Variants in UNC5C observed in about 807,000 individuals in gnomAD.
UNC5C encodes the protein netrin receptor UNC5C.
Under a neutral mutation model 99.8 loss-of-function variants are expected in UNC5C, and 47 were observed. That is an observed-to-expected ratio of 0.47 (90% confidence interval 0.37 to 0.60). The LOEUF (loss-of-function observed/expected upper bound fraction) is 0.60, where lower values mean the gene tolerates loss of function less well. Ranked by LOEUF, UNC5C falls within the 20% of genes least tolerant of loss-of-function variation. UNC5C has a pLI of 0.00. For synonymous variants in UNC5C, 487 were observed against 452.2 expected, an observed-to-expected ratio of 1.08 and a Z score of -0.98; for missense variants, 1,062 against 1,165.9, an observed-to-expected ratio of 0.91 and a Z score of 1.30.
Position 95,205,971 on chromosome 4 carries a change from A to T in UNC5C, c.1902+657T>A, listed in dbSNP as rs192091038. Among the ~76,000 whole-genome samples the T allele has an allele frequency of 4.0e-5, 6 of 151,244 alleles. No individual in the cohort carries two copies. In the East Asian group the frequency reaches 1.2e-3, roughly 29 times the overall value. On this transcript the variant is annotated intron_variant, in intron 11 of 15. Coordinates refer to ENST00000453304, the MANE Select transcript of UNC5C (RefSeq NM_003728.4). ...TTCTGATCCAGTTGCAATGTTTCTG[A>T]CCTGCAAATTATATACGTATATATA...
At chr4:95,315,608 T>G (rs995411161) in intron 2 of UNC5C, among the ~76,000 whole-genome samples, 15 of 152,314 alleles carry the variant, frequency 9.8e-5, no homozygotes, top group Admixed American at 8.5e-4. Context: ...GACACATACT[T>G]TTGTGGATAA....
intron 14 of UNC5C, among the ~76,000 whole-genome samples, chr4:95,180,779 C>G (rs1005728306): frequency 6.6e-6 from 1 of 152,296 alleles, no homozygotes; most frequent in East Asian, 1.9e-4. Context: ...CCAGCTCATT[C>G]CTGGGAGATA....
chr4:95,329,466 T>C (rs978042268), intron 2 of UNC5C, among the ~76,000 whole-genome samples: 1 of 152,178 alleles, frequency 6.6e-6, no homozygotes, highest in African/African-American at 2.4e-5. Flanking sequence ...ATTGATGGTA[T>C]TTTCAAATGG....
At chr4:95,262,488 C>T (rs1740279250) in intron 4 of UNC5C, among the ~76,000 whole-genome samples, 1 of 152,170 alleles carries the variant, frequency 6.6e-6, no homozygotes, top group African/African-American at 2.4e-5. Flanking sequence ...AGCATTCAAA[C>T]TAGGCTAAAT....
intron 1 of UNC5C, among the ~76,000 whole-genome samples, chr4:95,410,329 T>C (rs140455219): frequency 1.3e-3 from 198 of 152,284 alleles, no homozygotes; most frequent in African/African-American, 4.5e-3. Flanking sequence ...GGTCCCAGTC[T>C]CATTAATGAA....
intron 1 of UNC5C, among the ~76,000 whole-genome samples, chr4:95,365,939 A>C (rs546264491): frequency 4.1e-4 from 49 of 120,708 alleles, no homozygotes; most frequent in Non-Finnish European, 1.9e-4. Context: ...ATTTTCTGAG[A>C]AGTTTTTTTT....
intron 1 of UNC5C, among the ~76,000 whole-genome samples, chr4:95,445,416 A>T (rs1209698812): frequency 6.6e-6 from 1 of 151,928 alleles, no homozygotes; most frequent in Non-Finnish European, 1.5e-5. Flanking sequence ...TTCCGTTCGG[A>T]TTCAGCTGGC....
Position 95,168,113 on chromosome 4 carries a change from G to A in UNC5C, c.*1121C>T, listed in dbSNP as rs1490928629. On this transcript the variant is annotated 3_prime_UTR_variant, in exon 16 of 16. Transcript: ENST00000453304. ...GGGAGTCGACGTGGGGCCACACAACGGCAATATTAAGTGAACTTAATAGAG... is the reference window on the plus strand; with the variant it reads ...GGGAGTCGACGTGGGGCCACACAACAGCAATATTAAGTGAACTTAATAGAG... 1 of 152,090 alleles carries A rather than the reference G, an allele frequency of 6.6e-6. No homozygotes were observed. The highest frequency in any genetic ancestry group is 1.5e-5 in the Non-Finnish European group (1 of 68,038). 9.4% of individuals were successfully genotyped at this position (152,090 alleles called of 1,614,324 possible). A position where few individuals can be genotyped will look rare whatever the true frequency, so the allele number is the denominator to read the frequency against.
intron 1 of UNC5C, among the ~76,000 whole-genome samples, chr4:95,462,180 C>G (rs561044400): frequency 6.6e-6 from 1 of 152,184 alleles, no homozygotes; most frequent in Admixed American, 6.5e-5. Flanking sequence ...ACTTTCCCCC[C>G]CTTTCTCTTT....
chr4:95,233,970 G>A (rs901285606), intron 7 of UNC5C, among the ~76,000 whole-genome samples: 2 of 151,908 alleles, frequency 1.3e-5, no homozygotes, highest in Non-Finnish European at 2.9e-5. Flanking sequence ...GATTATAAAA[G>A]TTAAAAGTTA....
intron 7 of UNC5C, among the ~76,000 whole-genome samples, chr4:95,235,040 C>A (rs1329644322): frequency 1.3e-5 from 2 of 152,028 alleles, no homozygotes; most frequent in African/African-American, 4.8e-5. Context: ...GTTCCAAATC[C>A]CCATGTCTTC....
chr4:95,267,088 T>C (rs2149389162), intron 4 of UNC5C, among the ~76,000 whole-genome samples: 1 of 152,322 alleles, frequency 6.6e-6, no homozygotes, highest in African/African-American at 2.4e-5. Context: ...ATAATTTTTC[T>C]CATGGTTTGC....
At chr4:95,245,602 A>G (rs72672792) in intron 5 of UNC5C, among the ~76,000 whole-genome samples, 6,819 of 152,298 alleles carry the variant, frequency 0.045, 189 homozygotes, top group Middle Eastern at 0.099. Flanking sequence ...AAACTTTACA[A>G]CGTTTTAAGG....
At chr4:95,231,608 T>G (rs1738915193) in intron 7 of UNC5C, among the ~76,000 whole-genome samples, 1 of 151,396 alleles carries the variant, frequency 6.6e-6, no homozygotes, top group Admixed American at 6.6e-5. Context: ...AGCCAAAACA[T>G]GGGCAATTTT....
chr4:95,450,675 C>T (rs1436642976), intron 1 of UNC5C, among the ~76,000 whole-genome samples: 1 of 152,096 alleles, frequency 6.6e-6, no homozygotes, highest in African/African-American at 2.4e-5. Context: ...GACGTGTTTC[C>T]ACAAACTGCA....
chr4:95,261,917 ATGGTCTCGATTGCC>A (rs1560758530), intron 4 of UNC5C, among the ~76,000 whole-genome samples: 1 of 152,058 alleles, frequency 6.6e-6, no homozygotes, highest in African/African-American at 2.4e-5. Flanking sequence ...GTTAGCCAGG[ATGGTCTCGATTGCC>A]TGACTTCATG....
chr4:95,315,211 G>C (rs967367737), intron 2 of UNC5C, among the ~76,000 whole-genome samples: 1 of 152,000 alleles, frequency 6.6e-6, no homozygotes, highest in Non-Finnish European at 1.5e-5. Context: ...TATCATTTAA[G>C]TCTGTGTTAT....
chr4:95,291,406 C>A (rs1366741009), intron 3 of UNC5C, among the ~76,000 whole-genome samples: 3 of 152,128 alleles, frequency 2.0e-5, no homozygotes, highest in Non-Finnish European at 4.4e-5. Flanking sequence ...GCATTTTAGC[C>A]ATAAACTTCA....
intron 12 of UNC5C, among the ~76,000 whole-genome samples, chr4:95,192,231 C>CTCACCCTCCTCCCCTGT (rs1579216247): frequency 1.4e-5 from 2 of 144,944 alleles, no homozygotes; most frequent in African/African-American, 5.1e-5. Context: ...CCCTCCTCTG[C>CTCACCCTCCTCCCCTGT]TCACCCTCCT....
Sources: allele counts gnomAD v4.1 joint callset (sites outside exome capture counted in the v4.1 genomes callset), GRCh38; gene constraint gnomAD v4.1.1; transcripts MANE v1.5; gene names NCBI Gene and HGNC (gene_info 2026-07-23, HGNC 2026-07-21).